Variants in EXT1 observed in about 807,000 individuals in gnomAD.
EXT1 encodes exostosin-1.
In EXT1, 20 loss-of-function variants were observed where a neutral mutation model predicts 82.5. The ratio of observed to expected loss-of-function variants is 0.24; its 90% CI spans 0.17 to 0.35. The LOEUF is 0.35. Among genes scored for constraint, EXT1 ranks in the 10% least tolerant of loss-of-function variants. EXT1 has a pLI of 1.00. For synonymous variants in EXT1, 348 were observed against 350.8 expected (o/e 0.99, Z 0.09); for missense variants, 757 against 936.5 (o/e 0.81, Z 2.50).
intron 1 of EXT1, among the ~76,000 whole-genome samples, chr8:117,918,011 G>A (rs1436873072): frequency 2.0e-5 from 3 of 152,072 alleles, no homozygotes; most frequent in Admixed American, 1.3e-4. Flanking sequence ...CACTAATGTG[G>A]GGAGTCCTGT....
Position 117,798,822 on chromosome 8 carries a change from C to T in EXT1, c.*890G>A, listed in dbSNP as rs1823120863. 1 of 152,186 alleles carries T rather than the reference C, an allele frequency of 6.6e-6. No homozygotes were observed. Among genetic ancestry groups the T allele is most frequent in the African/African-American group, 2.4e-5 (1 of 41,444 alleles). 9.4% of individuals were successfully genotyped at this position (152,186 alleles called of 1,614,324 possible). On this transcript the variant is annotated 3_prime_UTR_variant, in exon 11 of 11. Coordinates refer to ENST00000378204, the MANE Select transcript of EXT1 (RefSeq NM_000127.3). Reference sequence around the variant, plus strand: ...TTATTCCTTGGCTTCTAAACCAAAGCCTCTTCCCAGTGCTACGCAGACTTA... The same window carrying T: ...TTATTCCTTGGCTTCTAAACCAAAGTCTCTTCCCAGTGCTACGCAGACTTA...
At chr8:118,074,927 A>G (rs1270320804) in intron 1 of EXT1, among the ~76,000 whole-genome samples, 2 of 152,312 alleles carry the variant, frequency 1.3e-5, no homozygotes, top group East Asian at 3.9e-4. Context: ...AAGCTCAGGG[A>G]GAGGAGAGCC....
intron 1 of EXT1, among the ~76,000 whole-genome samples, chr8:118,000,194 C>T (rs1815632648): frequency 1.3e-5 from 2 of 152,072 alleles, no homozygotes; most frequent in African/African-American, 4.8e-5. Context: ...ATAAATAGAT[C>T]TGTGTGTATA....
In EXT1 at chr8:117,999,178, A is replaced by G. The variant is rs560768521; in HGVS notation, c.962+110907T>C. Among the ~76,000 whole-genome samples the G allele has an allele frequency of 1.3e-4, 20 of 152,338 alleles. No individual in the cohort carries two copies. In the South Asian group the frequency reaches 3.9e-3, roughly 30 times the overall value. Reference sequence around the variant, plus strand: ...ATGCCTTACTTTAGGGCTGAAAACAACCAGATTCTGCACAAAACATCTCTC... The same window carrying G: ...ATGCCTTACTTTAGGGCTGAAAACAGCCAGATTCTGCACAAAACATCTCTC... On this transcript the variant is annotated intron_variant, in intron 1 of 10. Coordinates refer to ENST00000378204, the MANE Select transcript of EXT1 (RefSeq NM_000127.3).
At chr8:117,943,787 C>A (rs1231121681) in intron 1 of EXT1, among the ~76,000 whole-genome samples, 2 of 152,198 alleles carry the variant, frequency 1.3e-5, no homozygotes. Context: ...GCAGGAAGTG[C>A]GTAGCTGGGA....
rs751570075 is a variant in EXT1 at position 118,110,992 on chromosome 8, G to A, written c.55C>T (p.Leu19Phe). The change falls in exon 1 of 11, where the codon CTT (leucine) becomes TTT (phenylalanine). Residue 19 changes from leucine to phenylalanine, a missense_variant. By Grantham distance (22) the Leu-to-Phe change is conservative. Transcript: ENST00000378204. ...TGCAAGCCTCCGAAATAAAACAAAA[G>A]GGCGAGACAAGAGCCAGCTGAGAGC... ...ILLSAGSCLA[L>F]LFYFGGLQFR... The A allele has an allele frequency of 3.7e-6, 6 of 1,608,004 alleles. No homozygotes were observed. Among genetic ancestry groups the A allele is most frequent in the East Asian group, 2.2e-5 (1 of 44,886 alleles).
At chr8:117,848,331 C>T (rs17430329) in intron 1 of EXT1, among the ~76,000 whole-genome samples, 45 of 152,270 alleles carry the variant, frequency 3.0e-4, no homozygotes, top group Non-Finnish European at 5.1e-4. Flanking sequence ...CTAGATTCTG[C>T]CATTTCCTTA....
At chr8:117,851,654 T>C (rs1040401419) in intron 1 of EXT1, among the ~76,000 whole-genome samples, 1 of 112,380 alleles carries the variant, frequency 8.9e-6, no homozygotes, top group African/African-American at 2.8e-5. Flanking sequence ...CACACACCAT[T>C]ATTTAATTTA....
chr8:117,929,531 G>A (rs1046613969), intron 1 of EXT1, among the ~76,000 whole-genome samples: 4 of 152,156 alleles, frequency 2.6e-5, no homozygotes, highest in African/African-American at 9.7e-5. Context: ...TTGAATGAAT[G>A]AACCAATGAA....
At chr8:117,851,448 CAG>C (rs1037411317) in intron 1 of EXT1, among the ~76,000 whole-genome samples, 4 of 149,766 alleles carry the variant, frequency 2.7e-5, no homozygotes, top group Non-Finnish European at 5.9e-5. Flanking sequence ...CCAGTTTCCA[CAG>C]AAGTGCTTAA....
At chr8:117,831,246 T>C (rs899588489) in intron 3 of EXT1, among the ~76,000 whole-genome samples, 2 of 152,312 alleles carry the variant, frequency 1.3e-5, no homozygotes, top group Non-Finnish European at 2.9e-5. Flanking sequence ...TTAGCTGATT[T>C]CTCAAAGACT....
rs76054299 is a variant in EXT1, at chr8:118,083,270, C to T, written c.962+26815G>A. Among the ~76,000 whole-genome samples, 28 of 152,316 alleles carry T rather than the reference C, an allele frequency of 1.8e-4. No homozygotes were observed. The Middle Eastern group carries it at 0.01, about 56-fold the overall frequency. ...AAAAAGCACTTAATAAACGCATACT[C>T]AATGCCTGAGTGAATAATCTACAGA... On this transcript the variant is annotated intron_variant, in intron 1 of 10. Transcript: ENST00000378204.
At chr8:118,079,023 A>G (rs1244987370) in intron 1 of EXT1, among the ~76,000 whole-genome samples, 1 of 152,234 alleles carries the variant, frequency 6.6e-6, no homozygotes, top group Non-Finnish European at 1.5e-5. Context: ...TTTTGCTGTA[A>G]AAGTTCTTAT....
At chr8:117,994,702 C>T (rs547455299) in intron 1 of EXT1, among the ~76,000 whole-genome samples, 69 of 152,252 alleles carry the variant, frequency 4.5e-4, no homozygotes, top group African/African-American at 1.6e-3. Flanking sequence ...GGGCAACAAG[C>T]TGTTTTAGTC....
At chr8:118,038,091 G>A (rs999845323) in intron 1 of EXT1, among the ~76,000 whole-genome samples, 3 of 152,060 alleles carry the variant, frequency 2.0e-5, no homozygotes, top group African/African-American at 4.8e-5. Context: ...TTCCCAAAGT[G>A]CTGGGATTAT....
At chr8:118,028,303 C>A (rs1459016641) in intron 1 of EXT1, among the ~76,000 whole-genome samples, 1 of 152,230 alleles carries the variant, frequency 6.6e-6, no homozygotes, top group Non-Finnish European at 1.5e-5. Context: ...AAAATAAATT[C>A]TTTCCAAAAC....
chr8:118,077,729 TA>T (rs900957539), intron 1 of EXT1, among the ~76,000 whole-genome samples: 6 of 152,264 alleles, frequency 3.9e-5, no homozygotes, highest in East Asian at 1.9e-4. Flanking sequence ...ACTTCACAAT[TA>T]AAAAAATGTT....
chr8:117,871,038 C>T (rs1812861484), intron 1 of EXT1, among the ~76,000 whole-genome samples: 1 of 152,080 alleles, frequency 6.6e-6, no homozygotes, highest in South Asian at 2.1e-4. Flanking sequence ...GTAAAAAGGG[C>T]TGATCTCTAA....
At chr8:118,012,478 T>C (rs1450046864) in intron 1 of EXT1, among the ~76,000 whole-genome samples, 1 of 152,144 alleles carries the variant, frequency 6.6e-6, no homozygotes, top group Non-Finnish European at 1.5e-5. Context: ...AAAGAGCAGA[T>C]TTCCACAAGG....
Sources: allele counts gnomAD v4.1 joint callset (sites outside exome capture counted in the v4.1 genomes callset), GRCh38; gene constraint gnomAD v4.1.1; transcripts MANE v1.5; gene names NCBI Gene and HGNC (gene_info 2026-07-23, HGNC 2026-07-21).